Variants in RSU1 observed in about 807,000 individuals in gnomAD.
The protein encoded by RSU1 is rsu-1.
Under a neutral mutation model 31.1 loss-of-function variants are expected in RSU1, and 26 were observed. The ratio of observed to expected loss-of-function variants is 0.84; its 90% CI spans 0.61 to 1.16. The LOEUF (loss-of-function observed/expected upper bound fraction) is 1.16. Among genes scored for constraint, RSU1 ranks in the 50% most tolerant of loss-of-function variants. The pLI is 0.00. For synonymous variants in RSU1, 164 were observed against 136.3 expected, an observed-to-expected ratio of 1.20 and a Z score of -1.41; for missense variants, 320 against 339.1, an observed-to-expected ratio of 0.94 and a Z score of 0.44.
At chr10:16,635,894 T>C (rs1309823844) in intron 8 of RSU1, among the ~76,000 whole-genome samples, 1 of 152,180 alleles carries the variant, frequency 6.6e-6, no homozygotes, top group Non-Finnish European at 1.5e-5. Flanking sequence ...CCTCTTAATG[T>C]TACTCCAGTC....
At chr10:16,619,281 G>C (rs551633861) in intron 8 of RSU1, among the ~76,000 whole-genome samples, 1 of 152,232 alleles carries the variant, frequency 6.6e-6, no homozygotes, top group Non-Finnish European at 1.5e-5. Context: ...GTATGTGACA[G>C]AGAGTAGCAT....
chr10:16,729,472 A>G (rs1836459705), intron 7 of RSU1, among the ~76,000 whole-genome samples: 1 of 152,160 alleles, frequency 6.6e-6, no homozygotes, highest in Non-Finnish European at 1.5e-5. Flanking sequence ...AGGGAGTGGT[A>G]GGGGAACTGA....
intron 7 of RSU1, among the ~76,000 whole-genome samples, chr10:16,720,689 G>T (rs1361164002): frequency 6.6e-6 from 1 of 152,216 alleles, no homozygotes; most frequent in Admixed American, 6.5e-5. Flanking sequence ...TGTCTTGTGT[G>T]TATGTGCATA....
intron 2 of RSU1, among the ~76,000 whole-genome samples, chr10:16,783,145 A>G (rs916995269): frequency 1.3e-5 from 2 of 152,012 alleles, no homozygotes; most frequent in Non-Finnish European, 2.9e-5. Flanking sequence ...TCCTGGGCTC[A>G]AGTAATTCTC....
chr10:16,648,043 G>A (rs1303537765), intron 8 of RSU1, among the ~76,000 whole-genome samples: 1 of 151,792 alleles, frequency 6.6e-6, no homozygotes, highest in Non-Finnish European at 1.5e-5. Context: ...TGACCTGCTG[G>A]GTTTAAGCAA....
chr10:16,809,116 G>A (rs980944196), intron 2 of RSU1, among the ~76,000 whole-genome samples: 2 of 152,132 alleles, frequency 1.3e-5, no homozygotes, highest in African/African-American at 4.8e-5. Context: ...TCCTATTATT[G>A]GCCTTTTGGG....
At chr10:16,710,821 C>T (rs748203054) in intron 7 of RSU1, among the ~76,000 whole-genome samples, 3 of 152,082 alleles carry the variant, frequency 2.0e-5, no homozygotes, top group Non-Finnish European at 4.4e-5. Context: ...CCTCTTACCC[C>T]CTACCCGCCG....
intron 2 of RSU1, 94 bp downstream of exon 2, chr10:16,816,879 C>A (rs953143294): frequency 4.5e-6 from 4 of 881,508 alleles, no homozygotes; most frequent in Admixed American, 1.9e-5. Flanking sequence ...GGGGTCTAAA[C>A]CAGTACAATC....
intron 2 of RSU1, among the ~76,000 whole-genome samples, chr10:16,813,805 T>C (rs1183916320): frequency 2.0e-5 from 3 of 152,212 alleles, no homozygotes; most frequent in Non-Finnish European, 1.5e-5. Context: ...CTGATACCTG[T>C]CTCCAGCCTA....
chr10:16,616,390 A>C (rs1158704606), intron 8 of RSU1, among the ~76,000 whole-genome samples: 5 of 138,370 alleles, frequency 3.6e-5, no homozygotes, highest in Admixed American at 7.0e-5. Flanking sequence ...AAAAAAAAAA[A>C]AAAAACCCCA....
chr10:16,752,946 T>C lies in RSU1; in HGVS notation c.455A>G (p.Asp152Gly). Residue 152 changes from aspartate to glycine, a missense_variant, in exon 6 of 9, where the codon GAT (aspartate) becomes GGT (glycine). Transcript: ENST00000345264. ...SDNDFEILPP[D>G]IGKLTKLQIL... is the part of the protein sequence containing the mutation. ...CTGCAACTTTGTGAGCTTCCCAATA[T>C]CTGGCGGCAGGATTTCAAAATCGTT... The C allele has an allele frequency of 6.2e-7, 1 of 1,614,008 alleles. No individual in the cohort carries two copies. Among genetic ancestry groups the C allele is most frequent in the Non-Finnish European group, 8.5e-7 (1 of 1,179,882 alleles).
At chr10:16,790,243 C>A (rs1429695937) in intron 2 of RSU1, among the ~76,000 whole-genome samples, 1 of 152,164 alleles carries the variant, frequency 6.6e-6, no homozygotes. Context: ...GAGCGCCGGC[C>A]GTCTCTACCT....
chr10:16,692,622 T>G (rs79861841), intron 8 of RSU1, among the ~76,000 whole-genome samples: 3,993 of 152,262 alleles, frequency 0.026, 176 homozygotes, highest in African/African-American at 0.092. Flanking sequence ...ACGATAGCAA[T>G]GATTAACAAT....
chr10:16,669,526 A>T (rs1588704683), intron 8 of RSU1, among the ~76,000 whole-genome samples: 1 of 151,778 alleles, frequency 6.6e-6, no homozygotes. Flanking sequence ...TCAAAGAGAA[A>T]CCTCCCTCTT....
chr10:16,693,503 C>G (rs1055498155), intron 8 of RSU1, among the ~76,000 whole-genome samples: 9 of 151,834 alleles, frequency 5.9e-5, no homozygotes, highest in African/African-American at 2.2e-4. Context: ...AAAAGAAACT[C>G]TTAACTAAAT....
intron 8 of RSU1, among the ~76,000 whole-genome samples, chr10:16,647,888 CT>C (rs1834601139): frequency 6.6e-6 from 1 of 152,110 alleles, no homozygotes; most frequent in Non-Finnish European, 1.5e-5. Context: ...TGGCATCTGA[CT>C]ATTCTTTGAC....
chr10:16,718,205 A>G (rs1362739175), intron 7 of RSU1, among the ~76,000 whole-genome samples: 2 of 152,138 alleles, frequency 1.3e-5, no homozygotes, highest in Admixed American at 1.3e-4. Context: ...ACTGGTTTAC[A>G]CAGCATTTTC....
chr10:16,634,839 C>A (rs1258034439), intron 8 of RSU1, among the ~76,000 whole-genome samples: 1 of 152,204 alleles, frequency 6.6e-6, no homozygotes, highest in Non-Finnish European at 1.5e-5. Context: ...GTAGAAACGA[C>A]AGAAGCTGAC....
At chr10:16,740,256 A>C (rs1836724251) in intron 7 of RSU1, among the ~76,000 whole-genome samples, 1 of 152,166 alleles carries the variant, frequency 6.6e-6, no homozygotes, top group African/African-American at 2.4e-5. Context: ...AAGATACAAA[A>C]AATAAAAGCC....
Sources: allele counts gnomAD v4.1 joint callset (sites outside exome capture counted in the v4.1 genomes callset), GRCh38; gene constraint gnomAD v4.1.1; transcripts MANE v1.5; gene names NCBI Gene and HGNC (gene_info 2026-07-23, HGNC 2026-07-21).